Variants in ATP6V1B2 observed in about 807,000 individuals in gnomAD.
ATP6V1B2 encodes the protein ATPase H+ transporting V1 subunit B2.
Under a neutral mutation model 66.7 loss-of-function variants are expected in ATP6V1B2, and 23 were observed. That is an observed-to-expected ratio of 0.34 (90% CI 0.25 to 0.49). ATP6V1B2 has a LOEUF of 0.49. Among genes scored for constraint, ATP6V1B2 ranks in the 20% least tolerant of loss-of-function variants. The probability of loss-of-function intolerance (pLI) is 0.99; values close to 1 mark genes in which losing one functional copy is unlikely to be tolerated. For missense variants in ATP6V1B2, 478 were observed against 650.8 expected (o/e 0.73, Z 2.89); for synonymous variants, 278 against 236.7 (o/e 1.17, Z -1.60).
In ATP6V1B2 at chr8:20,219,656, C is replaced by T. The variant is rs188833337; in HGVS notation, c.1397-607C>T. On this transcript the variant is annotated intron_variant, in intron 13 of 13. Transcript: ENST00000276390. The stretch of plus-strand genomic sequence containing the variant: ...TTTTTTTAATGCAGAACCTGAATAT[C>T]TTAAACAAAATAAAGTTTTCCTCTA... Among the ~76,000 whole-genome samples the T allele has an allele frequency of 4.4e-3, 672 of 152,170 alleles. 1 individual carries two copies. Among genetic ancestry groups the T allele is most frequent in the Non-Finnish European group, 6.8e-3 (460 of 68,000 alleles).
chr8:20,211,791 T>A, intron 7 of ATP6V1B2, 38 bp downstream of exon 7: 1 of 1,517,204 alleles, frequency 6.6e-7, no homozygotes. Flanking sequence ...TATGTAAAAT[T>A]TTGCTTGTGT....
intron 2 of ATP6V1B2, among the ~76,000 whole-genome samples, chr8:20,206,791 C>G (rs1242593556): frequency 6.6e-6 from 1 of 152,110 alleles, no homozygotes; most frequent in East Asian, 1.9e-4. Context: ...ATTTCCAGTA[C>G]CGCTACTCTG....
Position 20,211,162 on chromosome 8 carries a change from T to C in ATP6V1B2, c.464-15T>C, listed in dbSNP as rs759665488. 2.5e-6 allele frequency: 4 copies of C among 1,598,036 alleles called. No individual in the cohort carries two copies. Among genetic ancestry groups the C allele is most frequent in the Non-Finnish European group, 1.7e-6 (2 of 1,175,462 alleles). On this transcript the variant is annotated splice_polypyrimidine_tract_variant and intron_variant, in intron 5 of 13. Transcript: ENST00000276390. ...CGGCAACTTGTTGAAATTTTCCTTT[T>C]TGGAAATACATTAGGTCAGCCAATC...
At chr8:20,202,309 T>C (rs1278713137) in intron 1 of ATP6V1B2, among the ~76,000 whole-genome samples, 1 of 152,222 alleles carries the variant, frequency 6.6e-6, no homozygotes, top group African/African-American at 2.4e-5. Flanking sequence ...CTTGGGCTGG[T>C]TGCTTGTGTC....
At chr8:20,198,652 G>A (rs1031529524) in intron 1 of ATP6V1B2, among the ~76,000 whole-genome samples, 1 of 152,172 alleles carries the variant, frequency 6.6e-6, no homozygotes, top group African/African-American at 2.4e-5. Flanking sequence ...CTGTCTCTAG[G>A]TGGCCGACTG....
rs773692536 is a variant in ATP6V1B2, at chr8:20,218,157, C to A, written c.1271C>A (p.Ala424Glu). The change falls in exon 13 of 14, where the codon GCG (alanine) becomes GAG (glutamate). Residue 424 changes from alanine to glutamate, a missense_variant. Ala to Glu is a moderately radical substitution (Grantham distance 107, BLOSUM62 -1). Coordinates refer to ENST00000276390, the MANE Select transcript of ATP6V1B2 (RefSeq NM_001693.4). ...GGGTGCCTTTCTTCTCTTTAGTATG[C>A]GTGCTATGCTATTGGAAAGGATGTG... ...DHADVSNQLYACYAIGKDVQA... is the reference protein window; with the variant it reads ...DHADVSNQLYECYAIGKDVQA... 6.2e-7 allele frequency: 1 copy of A among 1,612,020 alleles called. No homozygotes were observed.
At chr8:20,201,471 G>A (rs2072686802) in intron 1 of ATP6V1B2, among the ~76,000 whole-genome samples, 1 of 152,126 alleles carries the variant, frequency 6.6e-6, no homozygotes, top group South Asian at 2.1e-4. Flanking sequence ...TTTGCAGATA[G>A]TTTTAGTACC....
intron 10 of ATP6V1B2, 27 bp downstream of exon 10, chr8:20,214,995 A>G: frequency 6.2e-7 from 1 of 1,602,826 alleles, no homozygotes; most frequent in Non-Finnish European, 8.5e-7. Context: ...GGATTATAAC[A>G]CACCTAATCA....
chr8:20,214,613 T>A, intron 9 of ATP6V1B2: 2 of 448,668 alleles, frequency 4.5e-6, no homozygotes, highest in Non-Finnish European at 7.2e-6. Context: ...AAAAACCTTC[T>A]GGTGCCCCAT....
rs1302172983 is a variant in ATP6V1B2, at chr8:20,218,175, A to G, written c.1289A>G (p.Lys430Arg). 1 of 1,613,290 alleles carries G rather than the reference A, an allele frequency of 6.2e-7. No homozygotes were observed. The highest frequency in any genetic ancestry group is 1.1e-5 in the South Asian group (1 of 91,050). The change falls in exon 13 of 14, where the codon AAG (lysine) becomes AGG (arginine). Residue 430 changes from lysine (K) to arginine (R), a missense_variant. Lys to Arg is a conservative substitution (Grantham distance 26). This residue lies in a region of ATP6V1B2 where 326 missense variants were observed against 545.6 expected (regional missense o/e 0.60). Coordinates refer to ENST00000276390, the MANE Select transcript of ATP6V1B2 (RefSeq NM_001693.4). Reference protein sequence around the residue: ...NQLYACYAIGKDVQAMKAVVG... With the variant: ...NQLYACYAIGRDVQAMKAVVG... The stretch of plus-strand genomic sequence containing the variant: ...TAGTATGCGTGCTATGCTATTGGAA[A>G]GGATGTGCAAGCCATGAAAGCTGTC...
intron 13 of ATP6V1B2, among the ~76,000 whole-genome samples, chr8:20,219,485 G>T (rs1196547154): frequency 6.6e-6 from 1 of 152,178 alleles, no homozygotes; most frequent in Non-Finnish European, 1.5e-5. Context: ...GCTAATGCTA[G>T]TGATACTCTC....
rs941218763 is a variant in ATP6V1B2, at chr8:20,212,869, A to T, written c.891A>T (p.Leu297=). 5 of 1,613,782 alleles carry T rather than the reference A, an allele frequency of 3.1e-6. No homozygotes were observed. Among genetic ancestry groups the T allele is most frequent in the Admixed American group, 1.7e-5 (1 of 59,982 alleles). The change falls in exon 9 of 14, where the codon CTA becomes CTT. Residue 297 remains leucine, a synonymous_variant. Coordinates refer to ENST00000276390, the MANE Select transcript of ATP6V1B2 (RefSeq NM_001693.4). Reference sequence around the variant, plus strand: ...GTGAGAAACATGTATTGGTTATTCTAACAGACATGAGTTCTTATGCTGAAG... The same window carrying T: ...GTGAGAAACATGTATTGGTTATTCTTACAGACATGAGTTCTTATGCTGAAG... ...YQCEKHVLVI[L]TDMSSYAEAL... is the part of the protein sequence containing the mutation.
rs1196251468 is a variant in ATP6V1B2, at chr8:20,220,374, T to A, written c.1508T>A (p.Phe503Tyr). 1.9e-6 allele frequency: 3 copies of A among 1,588,194 alleles called. No homozygotes were observed. The highest frequency in any genetic ancestry group is 2.6e-6 in the Non-Finnish European group (3 of 1,170,984). Reference sequence around the variant, plus strand: ...ATCCCTCAGAGCACCCTCAGCGAATTTTACCCTCGAGACTCTGCAAAGCAT... The same window carrying A: ...ATCCCTCAGAGCACCCTCAGCGAATATTACCCTCGAGACTCTGCAAAGCAT... ...KRIPQSTLSEFYPRDSAKH is the reference protein window; with the variant it reads ...KRIPQSTLSEYYPRDSAKH The change falls in exon 14 of 14, where the codon TTT becomes TAT. Residue 503 changes from phenylalanine to tyrosine, a missense_variant. Phe to Tyr is a conservative substitution (Grantham distance 22, BLOSUM62 3). Around this residue, in one of 2 missense-constraint regions of ATP6V1B2, gnomAD observed 326 missense variants for 545.6 expected, o/e 0.60. Coordinates refer to ENST00000276390, the MANE Select transcript of ATP6V1B2 (RefSeq NM_001693.4).
intron 3 of ATP6V1B2, 49 bp from the exon 4 acceptor site, chr8:20,210,297 C>T (rs765938194): frequency 4.8e-5 from 71 of 1,484,892 alleles, no homozygotes; most frequent in South Asian, 8.2e-5. Context: ...TGTAAATGCC[C>T]GTGATCTAAA....
At chr8:20,212,563 C>G (rs1425381076) in intron 8 of ATP6V1B2, among the ~76,000 whole-genome samples, 5 of 152,146 alleles carry the variant, frequency 3.3e-5, no homozygotes, top group African/African-American at 1.2e-4. Flanking sequence ...CTGCCCCACC[C>G]CAGTGTTGAG....
intron 6 of ATP6V1B2, 161 bp downstream of exon 6, chr8:20,211,477 C>T (rs1207843071): frequency 3.2e-6 from 4 of 1,260,872 alleles, no homozygotes; most frequent in Non-Finnish European, 2.1e-6. Flanking sequence ...CACATGTCTT[C>T]TTGCTTACCC....
In ATP6V1B2 at chr8:20,197,403, C is replaced by A; in HGVS notation, c.-4C>A. The A allele has an allele frequency of 6.5e-7, 1 of 1,536,004 alleles. No homozygotes were observed. Among genetic ancestry groups the A allele is most frequent in the Non-Finnish European group, 8.8e-7 (1 of 1,142,616 alleles). ...GCTGGGCCAGTCGGGACAGAGGAGA[C>A]AAGATGGCGCTGCGGGCGATGCGGG... is the stretch of plus-strand genomic sequence containing the variant. On this transcript the variant is annotated 5_prime_UTR_variant, in exon 1 of 14. Coordinates refer to ENST00000276390, the MANE Select transcript of ATP6V1B2 (RefSeq NM_001693.4).
chr8:20,211,601 GTAGAAATGT>G, intron 6 of ATP6V1B2, 42 bp from the exon 7 acceptor site: 1 of 1,536,424 alleles, frequency 6.5e-7, no homozygotes, highest in Non-Finnish European at 8.8e-7. Context: ...TTATTTTGTT[GTAGAAATGT>G]TATTTTAGAT....
chr8:20,211,834 A>C, intron 7 of ATP6V1B2, 81 bp downstream of exon 7: 1 of 1,162,316 alleles, frequency 8.6e-7, no homozygotes, highest in Non-Finnish European at 1.2e-6. Context: ...GTACATATAT[A>C]GTTGAATTTT....
Sources: allele counts gnomAD v4.1 joint callset (sites outside exome capture counted in the v4.1 genomes callset), GRCh38; gene constraint gnomAD v4.1.1; regional missense constraint gnomAD v4.1.1; transcripts MANE v1.5; gene names NCBI Gene and HGNC (gene_info 2026-07-23, HGNC 2026-07-21).